Variants in DIAPH3 observed in about 807,000 individuals in gnomAD.
DIAPH3 encodes diaphanous related formin 3, also known as protein diaphanous homolog 3.
A neutral mutation model predicts 144.3 loss-of-function variants in DIAPH3; 117 were observed. That is an observed-to-expected ratio of 0.81 (90% CI 0.70 to 0.95). The LOEUF is 0.95. Among genes scored for constraint, DIAPH3 ranks in the 40% least tolerant of loss-of-function variants. DIAPH3 has a pLI of 0.00. For synonymous variants in DIAPH3, 519 were observed against 488.9 expected (o/e 1.06, Z -0.81); for missense variants, 1,421 against 1,412.7 (o/e 1.01, Z -0.09).
At chr13:59,947,602 C>T (rs1311889455) in intron 17 of DIAPH3, among the ~76,000 whole-genome samples, 6 of 151,946 alleles carry the variant, frequency 3.9e-5, no homozygotes, top group African/African-American at 1.2e-4. Context: ...TGATGGTGTA[C>T]ACCTGTAGAC....
At chr13:59,956,725 C>T (rs1717189652) in intron 17 of DIAPH3, among the ~76,000 whole-genome samples, 1 of 152,158 alleles carries the variant, frequency 6.6e-6, no homozygotes, top group Admixed American at 6.5e-5. Flanking sequence ...CAGCTTGCAC[C>T]ATGCACCAGG....
At chr13:60,132,818 C>T in intron 2 of DIAPH3, 139 bp downstream of exon 2, 1 of 658,260 alleles carries the variant, frequency 1.5e-6, no homozygotes, top group Non-Finnish European at 2.6e-6. Context: ...AGTTCTGCCT[C>T]TTATTTCAGC....
intron 19 of DIAPH3, among the ~76,000 whole-genome samples, chr13:59,912,963 A>T (rs1184235685): frequency 6.6e-6 from 1 of 152,180 alleles, no homozygotes; most frequent in Non-Finnish European, 1.5e-5. Flanking sequence ...TCATCCCTAG[A>T]CAAAGTATTC....
intron 27 of DIAPH3, among the ~76,000 whole-genome samples, chr13:59,704,264 G>A (rs1443755218): frequency 1.3e-5 from 2 of 152,196 alleles, no homozygotes; most frequent in Admixed American, 6.5e-5. Flanking sequence ...GTCCCAAAGC[G>A]GTAGCCCTCT....
At chr13:60,083,945 AT>A (rs2057655530) in intron 4 of DIAPH3, among the ~76,000 whole-genome samples, 1 of 151,098 alleles carries the variant, frequency 6.6e-6, no homozygotes, top group Non-Finnish European at 1.5e-5. Context: ...GGATGGATGG[AT>A]GGATGGATGG....
At chr13:60,138,937 T>TGTTTTGAA (rs2059365092) in intron 1 of DIAPH3, among the ~76,000 whole-genome samples, 1 of 152,228 alleles carries the variant, frequency 6.6e-6, no homozygotes, top group Non-Finnish European at 1.5e-5. Context: ...CTCACATTTT[T>TGTTTTGAA]GTTTTGAAGT....
At chr13:59,938,109 C>T (rs936565591) in intron 17 of DIAPH3, among the ~76,000 whole-genome samples, 2 of 152,130 alleles carry the variant, frequency 1.3e-5, no homozygotes, top group African/African-American at 4.8e-5. Context: ...AGTTAGCATT[C>T]CAGATCATTC....
chr13:59,730,920 C>G (rs1386417959), intron 27 of DIAPH3, among the ~76,000 whole-genome samples: 1 of 152,070 alleles, frequency 6.6e-6, no homozygotes, highest in East Asian at 1.9e-4. Context: ...ATCCCAAATC[C>G]TTACCTTACC....
intron 7 of DIAPH3, chr13:60,013,120 C>G (rs1311465177): frequency 1.0e-6 from 1 of 984,912 alleles, no homozygotes; most frequent in African/African-American, 1.7e-5. Flanking sequence ...TTTGAAAGGT[C>G]TAAGGATGTA....
chr13:59,843,048 C>T (rs2042433016), intron 22 of DIAPH3, among the ~76,000 whole-genome samples: 1 of 152,172 alleles, frequency 6.6e-6, no homozygotes, highest in Non-Finnish European at 1.5e-5. Flanking sequence ...CAGTTCTAAC[C>T]CTTTAATCGT....
Position 59,863,905 on chromosome 13 carries a change from A to G in DIAPH3, c.2608-2369T>C, listed in dbSNP as rs773146050. Among the ~76,000 whole-genome samples the G allele has an allele frequency of 1.8e-4, 27 of 152,174 alleles. 1 individual carries two copies. The highest frequency in any genetic ancestry group is 4.4e-5 in the Non-Finnish European group (3 of 68,018). Reference sequence around the variant, plus strand: ...TGTCCTTGACTAATTAATAGTCTTGAGCACATTACTGGACCTTAGCTTTCA... The same window carrying G: ...TGTCCTTGACTAATTAATAGTCTTGGGCACATTACTGGACCTTAGCTTTCA... On this transcript the variant is annotated intron_variant, in intron 21 of 27. Transcript: ENST00000400324.
At chr13:59,957,130 T>C (rs184442387) in intron 17 of DIAPH3, among the ~76,000 whole-genome samples, 5 of 152,240 alleles carry the variant, frequency 3.3e-5, no homozygotes, top group Admixed American at 2.0e-4. Context: ...CTGAAATGAG[T>C]TAAGACTTTG....
chr13:59,741,563 C>T (rs1183270674), intron 27 of DIAPH3, among the ~76,000 whole-genome samples: 1 of 151,828 alleles, frequency 6.6e-6, no homozygotes, highest in Non-Finnish European at 1.5e-5. Flanking sequence ...TCATGACCAG[C>T]TGGCAACATA....
chr13:60,047,219 CACAGA>C (rs557500850), intron 4 of DIAPH3, among the ~76,000 whole-genome samples: 234 of 151,950 alleles, frequency 1.5e-3, no homozygotes, highest in African/African-American at 4.0e-3. Flanking sequence ...ATACCATACT[CACAGA>C]ACAGAAGAAT....
intron 2 of DIAPH3, among the ~76,000 whole-genome samples, chr13:60,114,956 A>G (rs917973116): frequency 6.6e-6 from 1 of 152,160 alleles, no homozygotes; most frequent in African/African-American, 2.4e-5. Flanking sequence ...CCAGAAACTT[A>G]ACTACTTATA....
chr13:60,034,742 G>C (rs2141131305), intron 5 of DIAPH3: 1 of 152,278 alleles, frequency 6.6e-6, no homozygotes, highest in African/African-American at 2.4e-5. Flanking sequence ...GGGACTACAG[G>C]CATGTGCCAC....
intron 27 of DIAPH3, among the ~76,000 whole-genome samples, chr13:59,757,966 A>C (rs762267897): frequency 1.3e-5 from 2 of 152,230 alleles, no homozygotes; most frequent in Non-Finnish European, 2.9e-5. Context: ...CACACAGGAC[A>C]GACTTGAATA....
intron 4 of DIAPH3, among the ~76,000 whole-genome samples, chr13:60,092,424 G>T (rs572477092): frequency 2.6e-5 from 4 of 152,256 alleles, no homozygotes; most frequent in African/African-American, 9.6e-5. Context: ...AGGCCAAGGC[G>T]GGCGGATCAC....
chr13:59,726,747 T>G (rs1402878144), intron 27 of DIAPH3, among the ~76,000 whole-genome samples: 1 of 152,200 alleles, frequency 6.6e-6, no homozygotes, highest in Non-Finnish European at 1.5e-5. Context: ...AACTGATGGT[T>G]TAACTGTCCT....
Sources: gnomAD v4.1 joint callset for allele counts (sites outside exome capture counted in the v4.1 genomes callset) on GRCh38, gnomAD v4.1.1 for gene constraint, MANE v1.5 for transcripts, NCBI Gene and HGNC (gene_info 2026-07-23, HGNC 2026-07-21) for gene names.